Variants in SMURF2 observed in about 807,000 individuals in gnomAD.
SMURF2 encodes the protein E3 ubiquitin-protein ligase SMURF2.
Under a neutral mutation model 109.6 loss-of-function variants are expected in SMURF2, and 48 were observed. The observed-to-expected ratio is 0.44, with a 90% CI of 0.35 to 0.56. The LOEUF (loss-of-function observed/expected upper bound fraction) is 0.56. SMURF2 is among the 20% of genes least tolerant of loss of function. The probability of loss-of-function intolerance (pLI) is 0.01; values close to 1 mark genes in which losing one functional copy is unlikely to be tolerated. For missense variants in SMURF2, 575 were observed against 909.0 expected (o/e 0.63, Z 4.72); for synonymous variants, 288 against 317.1 (o/e 0.91, Z 0.97).
At chr17:64,601,748 C>T (rs1260234497) in intron 2 of SMURF2, among the ~76,000 whole-genome samples, 2 of 151,974 alleles carry the variant, frequency 1.3e-5, no homozygotes, top group Non-Finnish European at 2.9e-5. Flanking sequence ...TACTTGCACA[C>T]GCAGGTTTGT....
At chr17:64,627,118 T>C (rs1970278345) in intron 1 of SMURF2, among the ~76,000 whole-genome samples, 3 of 146,132 alleles carry the variant, frequency 2.1e-5, no homozygotes, top group South Asian at 4.3e-4. Context: ...TTCCTTTTTT[T>C]TTTTTTTTTT....
chr17:64,561,470 T>C (rs1969217315), intron 12 of SMURF2, 30 bp downstream of exon 12: 3 of 1,434,670 alleles, frequency 2.1e-6, no homozygotes, highest in Non-Finnish European at 2.0e-6. Flanking sequence ...CAAAGATCCA[T>C]ATGTCATAAG....
At chr17:64,545,998 T>C in intron 18 of SMURF2, 51 bp from the exon 19 acceptor site, 1 of 1,214,982 alleles carries the variant, frequency 8.2e-7, no homozygotes, top group Non-Finnish European at 1.2e-6. Context: ...ATAAGTAAAC[T>C]GGCCTAGCAA....
rs1568182655 is a variant in SMURF2 at position 64,581,034 on chromosome 17, T to A, written c.570-43A>T. On this transcript the variant is annotated intron_variant, in intron 7 of 18. Transcript: ENST00000262435. The surrounding 1 kb of genome is among the most constrained non-coding windows in gnomAD (Gnocchi z 4.3). ...GGAAAAGATGTTATCAATTTAGATA[T>A]CAAAAGTAGAGTTCTCTAGACAATA... 1.9e-6 allele frequency: 3 copies of A among 1,577,854 alleles called. No homozygotes were observed. The highest frequency in any genetic ancestry group is 2.6e-6 in the Non-Finnish European group (3 of 1,147,944).
chr17:64,645,006 C>CA (rs368164529), intron 1 of SMURF2, among the ~76,000 whole-genome samples: 6,101 of 131,638 alleles, frequency 0.046, 374 homozygotes, highest in African/African-American at 0.15. Flanking sequence ...AAGACTGTCT[C>CA]AAAAAAAAAA....
intron 15 of SMURF2, among the ~76,000 whole-genome samples, chr17:64,553,928 A>C (rs987448859): frequency 1.3e-5 from 2 of 152,242 alleles, no homozygotes; most frequent in African/African-American, 4.8e-5. Context: ...TATATCATGC[A>C]AGTTTCTGTG....
At chr17:64,573,303 C>T (rs953205615) in intron 9 of SMURF2, among the ~76,000 whole-genome samples, 1 of 139,962 alleles carries the variant, frequency 7.1e-6, no homozygotes, top group Admixed American at 7.6e-5. Flanking sequence ...AAGATAAAAG[C>T]AGCATGTTTA....
intron 1 of SMURF2, among the ~76,000 whole-genome samples, chr17:64,655,241 C>T (rs559525910): frequency 1.6e-3 from 233 of 147,788 alleles, no homozygotes; most frequent in Non-Finnish European, 2.7e-3. Context: ...ATGACAATCC[C>T]AATGAAATGT....
intron 3 of SMURF2, chr17:64,594,152 A>G (rs1177292650): frequency 2.0e-5 from 3 of 152,422 alleles, no homozygotes; most frequent in South Asian, 4.1e-4. Context: ...TTGTCTGTGC[A>G]TATGCCTGTA....
intron 1 of SMURF2, among the ~76,000 whole-genome samples, chr17:64,612,509 C>T (rs1470106455): frequency 1.6e-5 from 2 of 127,236 alleles, no homozygotes; most frequent in Non-Finnish European, 3.5e-5. Flanking sequence ...ACTAAAAATA[C>T]AAAAAAAAAA....
In SMURF2 at chr17:64,606,575, C is replaced by T. The variant is rs370415773; in HGVS notation, c.91+27G>A. ...TGTTCCCAAAGATCTACATACAATA[C>T]ACAAGATTTAAAGTTAATTTACTTA... On this transcript the variant is annotated intron_variant, in intron 2 of 18. Transcript: ENST00000262435. 4 of 1,488,590 alleles carry T rather than the reference C, an allele frequency of 2.7e-6. No individual in the cohort carries two copies. The African/African-American group carries it at 4.2e-5, about 16-fold the overall frequency. The allele number at this position is 1,488,590 out of a possible 1,614,324, so 92.2% of individuals were successfully genotyped here. A position where few individuals can be genotyped will look rare whatever the true frequency, so the allele number is the denominator to read the frequency against.
Position 64,619,643 on chromosome 17 carries a change from T to C in SMURF2, c.53-13003A>G, listed in dbSNP as rs1268974773. On this transcript the variant is annotated intron_variant, in intron 1 of 18. Transcript: ENST00000262435. Reference sequence around the variant, plus strand: ...AAGATCAAGGTGCCAGCAGAGTCAATGTCTGGTGAGGGCCGTCTTCCTGGT... The same window carrying C: ...AAGATCAAGGTGCCAGCAGAGTCAACGTCTGGTGAGGGCCGTCTTCCTGGT... Among the ~76,000 whole-genome samples the C allele has an allele frequency of 2.0e-5, 3 of 152,060 alleles. 1 individual carries two copies. The highest frequency in any genetic ancestry group is 4.2e-4 in the South Asian group (2 of 4,804).
intron 1 of SMURF2, among the ~76,000 whole-genome samples, chr17:64,650,889 T>C (rs1970627787): frequency 6.7e-6 from 1 of 148,156 alleles, no homozygotes; most frequent in South Asian, 2.1e-4. Context: ...TTTGTGACAG[T>C]GCCTAGGAAT....
At position 64,562,762 on chromosome 17, in the gene SMURF2, TAAA is replaced by T; in HGVS notation, c.1212+6_1212+8del. ...AAATAGTAAAACAAAATAAGGCTCG[TAAA>T]TTTACCTCAAAAATCTCTTCCCTGG... is the stretch of plus-strand genomic sequence containing the variant. On this transcript the variant is annotated splice_donor_region_variant and intron_variant, in intron 11 of 18. Transcript: ENST00000262435. 6.2e-7 allele frequency: 1 copy of T among 1,610,706 alleles called. No homozygotes were observed. The highest frequency in any genetic ancestry group is 8.5e-7 in the Non-Finnish European group (1 of 1,178,426).
chr17:64,582,881 G>A (rs1175917688), intron 7 of SMURF2, among the ~76,000 whole-genome samples: 2 of 151,302 alleles, frequency 1.3e-5, no homozygotes, highest in Non-Finnish European at 2.9e-5. Flanking sequence ...TTACAGTGGT[G>A]AGCCACCATG....
Position 64,544,139 on chromosome 17 carries a change from A to G in SMURF2, c.*1709T>C, listed in dbSNP as rs782629417. 6.6e-6 allele frequency: 1 copy of G among 152,142 alleles called. No homozygotes were observed. 9.4% of individuals were successfully genotyped at this position (152,142 alleles called of 1,614,324 possible). A position where few individuals can be genotyped will look rare whatever the true frequency, so the allele number is the denominator to read the frequency against. ...ATTCCTCCCCGCCCCACTGCACCCC[A>G]TGAAAGCTTACTTGAAATTCCAATA... On this transcript the variant is annotated 3_prime_UTR_variant, in exon 19 of 19. Transcript: ENST00000262435.
At chr17:64,619,227 C>T (rs1362992705) in intron 1 of SMURF2, among the ~76,000 whole-genome samples, 1 of 151,898 alleles carries the variant, frequency 6.6e-6, no homozygotes. Context: ...GCCTGTAATA[C>T]TAACACTTTG....
At chr17:64,602,969 T>C (rs556392288) in intron 2 of SMURF2, among the ~76,000 whole-genome samples, 1 of 152,184 alleles carries the variant, frequency 6.6e-6, no homozygotes, top group African/African-American at 2.4e-5. Flanking sequence ...TCCCCCATCA[T>C]TTCTGAGACA....
chr17:64,644,683 G>A (rs1334443903), intron 1 of SMURF2, among the ~76,000 whole-genome samples: 2 of 150,338 alleles, frequency 1.3e-5, no homozygotes, highest in Non-Finnish European at 3.0e-5. Context: ...AGGCTGAGAC[G>A]GGCGGATCAC....
Sources: allele counts gnomAD v4.1 joint callset (sites outside exome capture counted in the v4.1 genomes callset), GRCh38; gene constraint gnomAD v4.1.1; non-coding constraint Gnocchi (gnomAD v3.1); transcripts MANE v1.5; gene names NCBI Gene and HGNC (gene_info 2026-07-23, HGNC 2026-07-21).